The following GJB7 variants were observed in gnomAD, a reference collection of about 807,000 sequenced individuals.
GJB7 encodes the protein gap junction protein beta 7.
For synonymous variants in GJB7, 87 were observed against 95.2 expected, an observed-to-expected ratio of 0.91 and a Z score of 0.50; for missense variants, 253 against 256.8, an observed-to-expected ratio of 0.99 and a Z score of 0.10.
At chr6:87,300,607 A>G (rs552657065) in intron 2 of GJB7, among the ~76,000 whole-genome samples, 29 of 152,252 alleles carry the variant, frequency 1.9e-4, no homozygotes, top group Non-Finnish European at 4.0e-4. Flanking sequence ...TTGACAATAT[A>G]TAATGGGTTA....
intron 2 of GJB7, 165 bp downstream of exon 2, chr6:87,322,701 T>C (rs1308384209): frequency 6.6e-6 from 1 of 152,156 alleles, no homozygotes; most frequent in Non-Finnish European, 1.5e-5. Context: ...GGCCGCACCA[T>C]CACGCTCCCG....
At chr6:87,313,349 G>T (rs373621436) in intron 2 of GJB7, among the ~76,000 whole-genome samples, 1 of 152,178 alleles carries the variant, frequency 6.6e-6, no homozygotes, top group African/African-American at 2.4e-5. Flanking sequence ...GACTATTACA[G>T]TAAAGGACTT....
At position 87,284,802 on chromosome 6, in the gene GJB7, C is replaced by T; in HGVS notation, c.111G>A (p.Met37Ile). 1.2e-6 allele frequency: 2 copies of T among 1,614,106 alleles called. No homozygotes were observed. Among genetic ancestry groups the T allele is most frequent in the Non-Finnish European group, 8.5e-7 (1 of 1,180,026 alleles). Residue 37 changes from methionine (M) to isoleucine (I), a missense_variant, in exon 3 of 3, where the codon ATG becomes ATA. Transcript: ENST00000525899. ...CTTTCCACACGTGCTCTGCTGCCAC[C>T]ATGTAGACCAGCAAACGGAAGACAA... The part of the protein sequence containing the change: ...VVFVFRLLVY[M>I]VAAEHVWKDE...
At chr6:87,319,359 A>G (rs957881289) in intron 2 of GJB7, among the ~76,000 whole-genome samples, 14 of 152,202 alleles carry the variant, frequency 9.2e-5, no homozygotes, top group Admixed American at 6.5e-4. Flanking sequence ...ATCTTTACCT[A>G]CAGCTTGTGC....
chr6:87,306,348 T>C (rs1205164629), intron 2 of GJB7, among the ~76,000 whole-genome samples: 1 of 151,742 alleles, frequency 6.6e-6, no homozygotes. Flanking sequence ...AACAACCCCA[T>C]CAAAAAGTGG....
At chr6:87,306,622 C>A (rs1398683441) in intron 2 of GJB7, among the ~76,000 whole-genome samples, 2 of 152,058 alleles carry the variant, frequency 1.3e-5, no homozygotes, top group Admixed American at 6.5e-5. Flanking sequence ...TGTGGCGATT[C>A]CTCAGGGATC....
At chr6:87,310,948 T>A (rs1776506624) in intron 2 of GJB7, among the ~76,000 whole-genome samples, 1 of 152,172 alleles carries the variant, frequency 6.6e-6, no homozygotes, top group East Asian at 1.9e-4. Context: ...TAGGCAGAGT[T>A]CTTAGAGATG....
intron 2 of GJB7, among the ~76,000 whole-genome samples, chr6:87,290,802 A>T (rs1021020598): frequency 1.3e-5 from 2 of 152,240 alleles, no homozygotes; most frequent in Non-Finnish European, 2.9e-5. Context: ...CTAGAACTGC[A>T]GTGTGGAGTA....
intron 2 of GJB7, among the ~76,000 whole-genome samples, chr6:87,296,429 G>T (rs1320986503): frequency 6.6e-6 from 1 of 152,116 alleles, no homozygotes; most frequent in African/African-American, 2.4e-5. Flanking sequence ...GTACCCTGTA[G>T]ATTAATATAT....
intron 1 of GJB7, among the ~76,000 whole-genome samples, chr6:87,325,727 CTT>C (rs1562219983): frequency 6.6e-6 from 1 of 151,998 alleles, no homozygotes; most frequent in African/African-American, 2.4e-5. Context: ...CTAAAATTCT[CTT>C]TTTTGGTTGT....
intron 2 of GJB7, among the ~76,000 whole-genome samples, chr6:87,318,845 T>C (rs1340927183): frequency 6.6e-6 from 1 of 152,220 alleles, no homozygotes; most frequent in Non-Finnish European, 1.5e-5. Context: ...CTTGGCTTTC[T>C]GGTAGGAAAA....
Position 87,284,013 on chromosome 6 carries a change from T to C in GJB7, c.*228A>G, listed in dbSNP as rs1447403093. On this transcript the variant is annotated 3_prime_UTR_variant, in exon 3 of 3. Transcript: ENST00000525899. ...CTCATAACTGAAAGCATATTGACAA[T>C]GTAAAAAAATTCCTCCCAAATGATA... 5 of 508,174 alleles carry C rather than the reference T, an allele frequency of 9.8e-6. No homozygotes were observed. Among genetic ancestry groups the C allele is most frequent in the Non-Finnish European group, 1.8e-5 (5 of 283,580 alleles). 31.5% of individuals were successfully genotyped at this position (508,174 alleles called of 1,614,324 possible). A position where few individuals can be genotyped will look rare whatever the true frequency, so the allele number is the denominator to read the frequency against.
chr6:87,295,439 G>A (rs182290789), intron 2 of GJB7, among the ~76,000 whole-genome samples: 57 of 152,278 alleles, frequency 3.7e-4, no homozygotes, highest in African/African-American at 1.3e-3. Flanking sequence ...CCTGTTCAGG[G>A]AAGAATGGGG....
intron 2 of GJB7, among the ~76,000 whole-genome samples, chr6:87,305,885 C>A (rs1309950758): frequency 2.0e-5 from 3 of 152,160 alleles, no homozygotes; most frequent in African/African-American, 7.2e-5. Flanking sequence ...CATCTACAAC[C>A]ATCTGATCTT....
chr6:87,319,744 A>AT (rs1776629726), intron 2 of GJB7, among the ~76,000 whole-genome samples: 1 of 152,266 alleles, frequency 6.6e-6, no homozygotes, highest in Non-Finnish European at 1.5e-5. Context: ...CTGCAGCACT[A>AT]TTCACAATAA....
chr6:87,304,759 C>A, intron 2 of GJB7, among the ~76,000 whole-genome samples: 1 of 152,106 alleles, frequency 6.6e-6, no homozygotes, highest in Admixed American at 6.6e-5. Flanking sequence ...TGATGAACAT[C>A]AATGCAAAAA....
chr6:87,309,813 A>T (rs1022243108), intron 2 of GJB7, among the ~76,000 whole-genome samples: 1 of 152,200 alleles, frequency 6.6e-6, no homozygotes, highest in Non-Finnish European at 1.5e-5. Context: ...ACAGCTGCTC[A>T]TATCTCAGAC....
intron 2 of GJB7, chr6:87,292,110 TAGATG>T (rs1156446091): frequency 1.3e-5 from 2 of 152,226 alleles, no homozygotes; most frequent in African/African-American, 4.8e-5. Context: ...GCACATAACT[TAGATG>T]AGAATTCCTG....
intron 2 of GJB7, among the ~76,000 whole-genome samples, chr6:87,305,461 A>G (rs988393111): frequency 2.0e-5 from 3 of 152,188 alleles, no homozygotes; most frequent in Admixed American, 2.0e-4. Flanking sequence ...TAGGAATCCA[A>G]CTTACAAGGG....
Sources: allele counts gnomAD v4.1 joint callset (sites outside exome capture counted in the v4.1 genomes callset), GRCh38; gene constraint gnomAD v4.1.1; transcripts MANE v1.5; gene names NCBI Gene and HGNC (gene_info 2026-07-23, HGNC 2026-07-21).